Variants in ANKRD30A observed in about 807,000 individuals in gnomAD.
ANKRD30A encodes the protein ankyrin repeat domain 30A.
ANKRD30A carries 170 observed loss-of-function variants against 166.3 expected under a neutral mutation model. The ratio of observed to expected loss-of-function variants is 1.02; its 90% CI spans 0.90 to 1.16. The LOEUF (loss-of-function observed/expected upper bound fraction) is 1.16, where lower values mean the gene tolerates loss of function less well. Among genes scored for constraint, ANKRD30A ranks in the 50% most tolerant of loss-of-function variants. ANKRD30A has a pLI of 0.00. For synonymous variants in ANKRD30A, 564 were observed against 508.9 expected (o/e 1.11, Z -1.46); for missense variants, 1,630 against 1,518.0 (o/e 1.07, Z -1.23).
At chr10:37,193,301 T>G (rs745804526) in intron 27 of ANKRD30A, 43 bp downstream of exon 27, 1 of 1,574,508 alleles carries the variant, frequency 6.4e-7, no homozygotes, top group East Asian at 2.3e-5. Flanking sequence ...AGAAGAATAT[T>G]AAAATATTTG....
intron 31 of ANKRD30A, among the ~76,000 whole-genome samples, chr10:37,215,166 G>T (rs1437052165): frequency 6.6e-6 from 1 of 151,188 alleles, no homozygotes; most frequent in Non-Finnish European, 1.5e-5. Flanking sequence ...TTTCATTTTT[G>T]CTTTTTATGG....
At chr10:37,128,241 T>C (rs1353413737) in intron 1 of ANKRD30A, among the ~76,000 whole-genome samples, 1 of 152,072 alleles carries the variant, frequency 6.6e-6, no homozygotes, top group Non-Finnish European at 1.5e-5. Flanking sequence ...TTCCTTTTTA[T>C]TATCTTTGAT....
At chr10:37,214,055 C>A (rs1050021705) in intron 31 of ANKRD30A, among the ~76,000 whole-genome samples, 2 of 151,508 alleles carry the variant, frequency 1.3e-5, no homozygotes, top group African/African-American at 4.8e-5. Flanking sequence ...TTTTGCAGTT[C>A]TATCTTTGTA....
intron 15 of ANKRD30A, among the ~76,000 whole-genome samples, chr10:37,162,051 A>C (rs910534174): frequency 3.9e-5 from 6 of 152,194 alleles, no homozygotes; most frequent in African/African-American, 1.4e-4. Context: ...TGAGTTTTAC[A>C]CATCTTCTTG....
Position 37,126,069 on chromosome 10 carries a change from C to T in ANKRD30A, c.221+61C>T, listed in dbSNP as rs1264406898. On this transcript the variant is annotated intron_variant, in intron 1 of 35. Transcript: ENST00000361713. ...AGGTGGGGGCGGTGGGAGGATCGCC[C>T]CTTCAGAGTCGGGGGCTGGGGGGCC... The T allele has an allele frequency of 4.5e-6, 7 of 1,566,506 alleles. No homozygotes were observed. In the Admixed American group the frequency reaches 8.4e-5, roughly 19 times the overall value.
At chr10:37,164,213 C>CT (rs1238932742) in intron 17 of ANKRD30A, among the ~76,000 whole-genome samples, 2 of 144,412 alleles carry the variant, frequency 1.4e-5, no homozygotes, top group Non-Finnish European at 3.0e-5. Flanking sequence ...TGCATGTTTG[C>CT]TTTTTTCCTG....
At chr10:37,239,376 A>G in the ANKRD30A span, among the ~76,000 whole-genome samples, 1 of 152,130 alleles carries the variant, frequency 6.6e-6, no homozygotes, top group African/African-American at 2.4e-5. Flanking sequence ...AATATCAATC[A>G]TAATGTAGAT....
downstream of ANKRD30A, chr10:37,232,654 TTA>T (rs10559316): frequency 0.015 from 798 of 54,130 alleles, 20 homozygotes; most frequent in African/African-American, 0.032. Flanking sequence ...AGCATTGGTT[TTA>T]TATATATATA....
the ANKRD30A span, among the ~76,000 whole-genome samples, chr10:37,250,542 C>G: frequency 6.6e-6 from 1 of 152,104 alleles, no homozygotes; most frequent in African/African-American, 2.4e-5. Flanking sequence ...AATGTTTGTG[C>G]TCCCAGACCC....
At chr10:37,224,446 C>A (rs1305497278) in intron 34 of ANKRD30A, among the ~76,000 whole-genome samples, 1 of 150,094 alleles carries the variant, frequency 6.7e-6, no homozygotes, top group African/African-American at 2.4e-5. Flanking sequence ...CACTAAACTT[C>A]TGTTGTTTTT....
At chr10:37,153,712 A>G (rs758942429) in intron 13 of ANKRD30A, 50 bp downstream of exon 13, 6 of 1,604,274 alleles carry the variant, frequency 3.7e-6, no homozygotes, top group Middle Eastern at 2.3e-4. Context: ...ATTTCTCTAA[A>G]CTGATGAGGA....
intron 18 of ANKRD30A, among the ~76,000 whole-genome samples, 158 bp from the exon 19 acceptor site, chr10:37,166,447 C>G (rs1839352794): frequency 6.6e-6 from 1 of 151,766 alleles, no homozygotes; most frequent in Admixed American, 6.6e-5. Flanking sequence ...GGTTTTCTAT[C>G]AAAATGTGTT....
intron 8 of ANKRD30A, 55 bp downstream of exon 8, chr10:37,145,111 A>G (rs1837405398): frequency 7.4e-7 from 1 of 1,358,774 alleles, no homozygotes; most frequent in Admixed American, 2.2e-5. Context: ...AGTGATGTGA[A>G]AATATAAAGT....
At chr10:37,205,428 A>G (rs2132705871) in intron 31 of ANKRD30A, among the ~76,000 whole-genome samples, 1 of 142,206 alleles carries the variant, frequency 7.0e-6, no homozygotes, top group South Asian at 2.4e-4. Flanking sequence ...GAAGTGCAAC[A>G]TCACACACGG....
chr10:37,158,139 C>T (rs1480079683), intron 13 of ANKRD30A, among the ~76,000 whole-genome samples: 1 of 152,010 alleles, frequency 6.6e-6, no homozygotes, highest in Non-Finnish European at 1.5e-5. Flanking sequence ...TAGTTATTGT[C>T]ACCTTAAATA....
At chr10:37,137,191 C>T (rs1032342344) in intron 6 of ANKRD30A, among the ~76,000 whole-genome samples, 1 of 151,984 alleles carries the variant, frequency 6.6e-6, no homozygotes, top group African/African-American at 2.4e-5. Context: ...CCCTGAATTA[C>T]AAGCCACAAA....
chr10:37,230,514 C>G (rs961212916), intron 34 of ANKRD30A, among the ~76,000 whole-genome samples: 37 of 152,132 alleles, frequency 2.4e-4, no homozygotes, highest in African/African-American at 8.7e-4. Context: ...ATTTTTGAAG[C>G]ATTTAATTTG....
intron 34 of ANKRD30A, among the ~76,000 whole-genome samples, chr10:37,221,269 A>G (rs1252403784): frequency 1.3e-5 from 2 of 151,190 alleles, no homozygotes; most frequent in African/African-American, 4.8e-5. Flanking sequence ...TTGAAAGTAA[A>G]TATTGTTAAT....
downstream of ANKRD30A, chr10:37,232,697 T>TATATAGAGAGAGAGAGAGAGAG (rs1273812991): frequency 3.8e-5 from 3 of 78,408 alleles, no homozygotes; most frequent in African/African-American, 1.5e-4. Flanking sequence ...TATATATAAA[T>TATATAGAGAGAGAGAGAGAGAG]AGAGAGAGAG....
Sources: allele counts gnomAD v4.1 joint callset (sites outside exome capture counted in the v4.1 genomes callset), GRCh38; gene constraint gnomAD v4.1.1; transcripts MANE v1.5; gene names NCBI Gene and HGNC (gene_info 2026-07-23, HGNC 2026-07-21).